Variants in KIF21A observed in about 807,000 individuals in gnomAD.
KIF21A encodes the protein kinesin-like protein KIF21A.
KIF21A carries 114 observed loss-of-function variants against 202.9 expected under a neutral mutation model. The ratio of observed to expected loss-of-function variants is 0.56; its 90% CI spans 0.48 to 0.66. The LOEUF (loss-of-function observed/expected upper bound fraction) is 0.66. Ranked by LOEUF, KIF21A falls within the 30% of genes least tolerant of loss-of-function variation. The pLI, the probability that KIF21A is intolerant of heterozygous loss-of-function variation, is 0.00. For missense variants in KIF21A, 1,677 were observed against 1,994.9 expected (o/e 0.84, Z 3.04); for synonymous variants, 667 against 670.8 (o/e 0.99, Z 0.09).
At chr12:39,416,761 G>GTGTATATATATA (rs1188660287) in intron 1 of KIF21A, among the ~76,000 whole-genome samples, 2 of 125,350 alleles carry the variant, frequency 1.6e-5, no homozygotes, top group Non-Finnish European at 3.3e-5. Context: ...ACATATATAT[G>GTGTATATATATA]TGTATATATA....
At chr12:39,395,484 T>G (rs1249140869) in intron 1 of KIF21A, among the ~76,000 whole-genome samples, 1 of 152,164 alleles carries the variant, frequency 6.6e-6, no homozygotes, top group Non-Finnish European at 1.5e-5. Flanking sequence ...GCATTTTCAT[T>G]TATCTGTCTA....
intron 7 of KIF21A, among the ~76,000 whole-genome samples, chr12:39,361,957 G>A (rs954063469): frequency 2.0e-5 from 3 of 152,148 alleles, no homozygotes; most frequent in Non-Finnish European, 2.9e-5. Flanking sequence ...TGTTGGAGGT[G>A]GGGCCTTGGT....
At chr12:39,359,633 A>T (rs561530150) in intron 7 of KIF21A, among the ~76,000 whole-genome samples, 22 of 152,286 alleles carry the variant, frequency 1.4e-4, no homozygotes, top group African/African-American at 5.3e-4. Flanking sequence ...AGTAAGCGTG[A>T]GGATTATGGA....
At chr12:39,332,530 T>C (rs922353705) in intron 20 of KIF21A, 61 bp downstream of exon 20, 9 of 1,259,612 alleles carry the variant, frequency 7.1e-6, no homozygotes, top group Middle Eastern at 2.2e-4. Context: ...GGGAACAAAA[T>C]TGGAAGAGTA....
At chr12:39,421,750 C>T (rs1465298677) in intron 1 of KIF21A, among the ~76,000 whole-genome samples, 3 of 141,456 alleles carry the variant, frequency 2.1e-5, no homozygotes, top group African/African-American at 5.3e-5. Flanking sequence ...TATACACATA[C>T]ACACATATAT....
At chr12:39,384,489 T>C (rs755373196) in intron 1 of KIF21A, among the ~76,000 whole-genome samples, 2 of 152,174 alleles carry the variant, frequency 1.3e-5, no homozygotes, top group African/African-American at 2.4e-5. Context: ...GGATCATGTC[T>C]CCCACTCCCC....
intron 1 of KIF21A, among the ~76,000 whole-genome samples, chr12:39,387,226 T>C (rs1217617763): frequency 6.7e-6 from 1 of 150,170 alleles, no homozygotes; most frequent in Non-Finnish European, 1.5e-5. Context: ...TAAAAGCCTA[T>C]GACTGTCCAA....
intron 29 of KIF21A, among the ~76,000 whole-genome samples, chr12:39,317,754 A>G: frequency 6.6e-6 from 1 of 152,224 alleles, no homozygotes; most frequent in Middle Eastern, 3.2e-3. Context: ...CAGAAGCTGA[A>G]GAATCTCCAA....
chr12:39,429,442 CTAT>C (rs2140330275), intron 1 of KIF21A, among the ~76,000 whole-genome samples: 1 of 152,244 alleles, frequency 6.6e-6, no homozygotes, highest in East Asian at 1.9e-4. Flanking sequence ...TATAAATGCA[CTAT>C]TATCATCCCT....
chr12:39,409,450 G>C (rs1952895407), intron 1 of KIF21A, among the ~76,000 whole-genome samples: 1 of 151,166 alleles, frequency 6.6e-6, no homozygotes, highest in African/African-American at 2.4e-5. Flanking sequence ...TTGAGCCTGG[G>C]AGGCTGAGGC....
intron 1 of KIF21A, among the ~76,000 whole-genome samples, chr12:39,407,320 C>T (rs1952674567): frequency 6.6e-6 from 1 of 152,116 alleles, no homozygotes; most frequent in South Asian, 2.1e-4. Context: ...CTTCATGTCC[C>T]TCTCTGGCTA....
rs1003269615 is a variant in KIF21A at position 39,442,132 on chromosome 12, T to C, written c.44+795A>G. Among the ~76,000 whole-genome samples the C allele has an allele frequency of 6.6e-6, 1 of 152,156 alleles. No homozygotes were observed. Among genetic ancestry groups the C allele is most frequent in the African/African-American group, 2.4e-5 (1 of 41,444 alleles). ...AATTTCAATACTAGGATGTACCTAG[T>C]ATTTCCAGACTCACACCCTGGCCTG... is the stretch of plus-strand genomic sequence containing the variant. On this transcript the variant is annotated intron_variant, in intron 1 of 37. Coordinates refer to ENST00000361418, the MANE Select transcript of KIF21A (RefSeq NM_001173464.2). This position sits in a 1 kb window ranked among gnomAD's most constrained non-coding sequence, Gnocchi z 5.0.
intron 10 of KIF21A, among the ~76,000 whole-genome samples, chr12:39,355,544 G>A (rs1400139486): frequency 1.3e-5 from 2 of 151,554 alleles, no homozygotes; most frequent in African/African-American, 4.9e-5. Context: ...TAAAGATGGG[G>A]TCAACGAAAT....
chr12:39,294,510 T>C lies in KIF21A; in HGVS notation c.4939A>G (p.Thr1647Ala), dbSNP rs559949605. ...TTGCGAGCCTTCCAAATTCTCACAGTTCGATCACTACAAAAAAATAAACAA... is the reference window on the plus strand; with the variant it reads ...TTGCGAGCCTTCCAAATTCTCACAGCTCGATCACTACAAAAAAATAAACAA... ...THIFTAADDR[T>A]VRIWKARNLQ... Residue 1647 changes from threonine to alanine, a missense_variant, in exon 38 of 38, where the codon ACT becomes GCT. By Grantham distance (58) the Thr-to-Ala change is moderately conservative. Transcript: ENST00000361418. 3.7e-6 allele frequency: 6 copies of C among 1,612,956 alleles called. No individual in the cohort carries two copies. The East Asian group carries it at 1.3e-4, about 36-fold the overall frequency.
intron 1 of KIF21A, among the ~76,000 whole-genome samples, chr12:39,408,292 T>G (rs1225568517): frequency 6.6e-6 from 1 of 152,048 alleles, no homozygotes; most frequent in Non-Finnish European, 1.5e-5. Flanking sequence ...ATCCCTCACA[T>G]GTGCAGTTCG....
At chr12:39,371,636 C>T (rs952522292) in intron 1 of KIF21A, among the ~76,000 whole-genome samples, 4 of 152,000 alleles carry the variant, frequency 2.6e-5, no homozygotes, top group African/African-American at 9.7e-5. Context: ...GGCAAGACAA[C>T]CACAGATGAA....
rs1701500918 is a variant in KIF21A at position 39,325,826 on chromosome 12, T to TA, written c.3456+12dup. 1 of 1,588,356 alleles carries TA rather than the reference T, an allele frequency of 6.3e-7. No individual in the cohort carries two copies. The highest frequency in any genetic ancestry group is 8.6e-7 in the Non-Finnish European group (1 of 1,156,952). On this transcript the variant is annotated intron_variant, in intron 26 of 37. Coordinates refer to ENST00000361418, the MANE Select transcript of KIF21A (RefSeq NM_001173464.2). ...GTAAAACATGTTTACCTGATACTTT[T>TA]AGTTCTCCTTACCTTGTTCTTAGGT...
chr12:39,326,336 T>A lies in KIF21A; in HGVS notation c.3341-12A>T. 1 of 1,581,082 alleles carries A rather than the reference T, an allele frequency of 6.3e-7. No homozygotes were observed. Among genetic ancestry groups the A allele is most frequent in the Non-Finnish European group, 8.7e-7 (1 of 1,150,252 alleles). On this transcript the variant is annotated splice_polypyrimidine_tract_variant and intron_variant, in intron 24 of 37. Coordinates refer to ENST00000361418, the MANE Select transcript of KIF21A (RefSeq NM_001173464.2). ...ATCCTCTACATTTTCTACAAAAAAA[T>A]GTTTAAAATGTAAGCATTATCCCCA... is the stretch of plus-strand genomic sequence containing the variant.
chr12:39,335,643 T>C (rs1272612564), intron 17 of KIF21A, among the ~76,000 whole-genome samples: 1 of 152,182 alleles, frequency 6.6e-6, no homozygotes, highest in East Asian at 1.9e-4. Flanking sequence ...ACATGAATTG[T>C]ACACTTTAAA....
Sources: gnomAD v4.1 joint callset for allele counts (sites outside exome capture counted in the v4.1 genomes callset) on GRCh38, gnomAD v4.1.1 for gene constraint, Gnocchi (gnomAD v3.1) non-coding constraint, MANE v1.5 for transcripts, NCBI Gene and HGNC (gene_info 2026-07-23, HGNC 2026-07-21) for gene names.